The following EPB41L5 variants were observed in gnomAD, a reference collection of about 807,000 sequenced individuals.
EPB41L5 encodes the protein band 4.1-like protein 5.
Under a neutral mutation model 106.6 loss-of-function variants are expected in EPB41L5, and 55 were observed. The ratio of observed to expected loss-of-function variants is 0.52; its 90% CI spans 0.42 to 0.65. EPB41L5 has a LOEUF of 0.65. Ranked by LOEUF, EPB41L5 falls within the 30% of genes least tolerant of loss-of-function variation. EPB41L5 has a pLI of 0.00. For missense variants in EPB41L5, 871 were observed against 882.1 expected (o/e 0.99, Z 0.16); for synonymous variants, 297 against 306.7 (o/e 0.97, Z 0.33).
intron 4 of EPB41L5, 107 bp from the exon 5 acceptor site, chr2:120,073,993 A>G (rs1156410601): frequency 2.6e-6 from 2 of 777,552 alleles, no homozygotes; most frequent in African/African-American, 1.8e-5. Flanking sequence ...TGCCATAAAA[A>G]CCTCATCTTT....
At chr2:120,033,088 A>G (rs1420505937) in intron 2 of EPB41L5, among the ~76,000 whole-genome samples, 2 of 152,230 alleles carry the variant, frequency 1.3e-5, no homozygotes, top group African/African-American at 4.8e-5. Context: ...TAAGGTTGAT[A>G]CTAGCAGGTT....
At chr2:120,096,982 G>A (rs1683798512) in intron 14 of EPB41L5, among the ~76,000 whole-genome samples, 1 of 152,156 alleles carries the variant, frequency 6.6e-6, no homozygotes, top group African/African-American at 2.4e-5. Context: ...TTCAGCAATG[G>A]TACGTAGTTG....
At chr2:120,059,749 CAAAA>C (rs891183180) in intron 3 of EPB41L5, among the ~76,000 whole-genome samples, 3 of 151,544 alleles carry the variant, frequency 2.0e-5, no homozygotes, top group Non-Finnish European at 2.9e-5. Flanking sequence ...CAAAAAAAAA[CAAAA>C]AAAGTCTGCT....
intron 21 of EPB41L5, 103 bp from the exon 22 acceptor site, chr2:120,164,733 A>C: frequency 2.8e-6 from 2 of 713,098 alleles, no homozygotes; most frequent in Non-Finnish European, 4.8e-6. Context: ...GATTAACACT[A>C]ATCAGGCCTG....
intron 18 of EPB41L5, among the ~76,000 whole-genome samples, chr2:120,136,387 A>G (rs1685924482): frequency 6.6e-6 from 1 of 151,614 alleles, no homozygotes; most frequent in African/African-American, 2.4e-5. Context: ...TGAAATGGCA[A>G]TAATAAATCC....
At chr2:120,052,346 G>A (rs1053245558) in intron 3 of EPB41L5, among the ~76,000 whole-genome samples, 2 of 152,132 alleles carry the variant, frequency 1.3e-5, no homozygotes, top group East Asian at 1.9e-4. Context: ...TCTGTGTTTC[G>A]TTCTGTCCTA....
At position 120,168,025 on chromosome 2, in the gene EPB41L5, C is replaced by T; in HGVS notation, c.2135+18C>T. 2 of 1,613,108 alleles carry T rather than the reference C, an allele frequency of 1.2e-6. No individual in the cohort carries two copies. The highest frequency in any genetic ancestry group is 1.7e-6 in the Non-Finnish European group (2 of 1,179,340). ...GTGACCAGGTGAGAAAATTATTTCT[C>T]ATTTGCAGTTCTTAGGCATCTGTTA... On this transcript the variant is annotated intron_variant, in intron 24 of 24. Coordinates refer to ENST00000263713, the MANE Select transcript of EPB41L5 (RefSeq NM_020909.4).
chr2:120,065,317 T>TA (rs1241033355), intron 3 of EPB41L5, among the ~76,000 whole-genome samples: 1 of 151,798 alleles, frequency 6.6e-6, no homozygotes, highest in Non-Finnish European at 1.5e-5. Context: ...AGACCGGTCT[T>TA]ACTATGTTGC....
At chr2:120,081,974 T>G (rs574112231) in intron 10 of EPB41L5, among the ~76,000 whole-genome samples, 1 of 152,362 alleles carries the variant, frequency 6.6e-6, no homozygotes, top group East Asian at 1.9e-4. Flanking sequence ...ACTGAGACTT[T>G]GCTGAAGTTC....
intron 14 of EPB41L5, among the ~76,000 whole-genome samples, chr2:120,095,519 C>T (rs547729376): frequency 1.3e-5 from 2 of 151,336 alleles, no homozygotes; most frequent in African/African-American, 4.8e-5. Context: ...TTTTAGACTA[C>T]ATAATCTCAC....
chr2:120,084,002 G>A lies in EPB41L5; in HGVS notation c.804-3169G>A, dbSNP rs138078585. On this transcript the variant is annotated intron_variant, in intron 10 of 24. Coordinates refer to ENST00000263713, the MANE Select transcript of EPB41L5 (RefSeq NM_020909.4). ...TTTGAGCCTATGTGTGTCTCTGCACGTGAGATGGGTCTCCTGAATACAGCA... is the reference window on the plus strand; with the variant it reads ...TTTGAGCCTATGTGTGTCTCTGCACATGAGATGGGTCTCCTGAATACAGCA... Among the ~76,000 whole-genome samples, 1,388 of 152,138 alleles carry A rather than the reference G, an allele frequency of 9.1e-3. 13 individuals carry two copies. The highest frequency in any genetic ancestry group is 0.029 in the South Asian group (142 of 4,828).
Position 120,013,101 on chromosome 2 carries a change from G to A in EPB41L5, c.-118G>A, listed in dbSNP as rs1677233956. ...GGTCCTCCGGGGATTAGAGCCGGTG[G>A]GCTCGTTGTGGGCGCCATTTCTCGG... On this transcript the variant is annotated 5_prime_UTR_variant, in exon 1 of 25. Coordinates refer to ENST00000263713, the MANE Select transcript of EPB41L5 (RefSeq NM_020909.4). 6.6e-6 allele frequency: 1 copy of A among 152,256 alleles called. No individual in the cohort carries two copies. Among genetic ancestry groups the A allele is most frequent in the Admixed American group, 6.5e-5 (1 of 15,290 alleles). 9.4% of individuals were successfully genotyped at this position (152,256 alleles called of 1,614,324 possible).
intron 19 of EPB41L5, among the ~76,000 whole-genome samples, chr2:120,145,871 G>A (rs1010573924): frequency 3.9e-5 from 6 of 152,016 alleles, no homozygotes; most frequent in Non-Finnish European, 8.8e-5. Context: ...ACTTGAACCT[G>A]GGAGGCAGAG....
At chr2:120,163,853 G>T (rs1238225255) in intron 21 of EPB41L5, among the ~76,000 whole-genome samples, 1 of 151,952 alleles carries the variant, frequency 6.6e-6, no homozygotes, top group Non-Finnish European at 1.5e-5. Context: ...TTGGGAGGCT[G>T]AGGTGGGAGG....
At chr2:120,021,191 T>A (rs1168008834) in intron 2 of EPB41L5, among the ~76,000 whole-genome samples, 1 of 151,772 alleles carries the variant, frequency 6.6e-6, no homozygotes. Flanking sequence ...AATACAAAAA[T>A]TAACCGGGCG....
intron 14 of EPB41L5, among the ~76,000 whole-genome samples, chr2:120,097,981 G>A (rs1415735641): frequency 3.3e-5 from 5 of 152,074 alleles, no homozygotes; most frequent in Admixed American, 3.3e-4. Flanking sequence ...AATAACCAAG[G>A]AACTGTGGAC....
intron 16 of EPB41L5, chr2:120,104,085 C>A: frequency 6.5e-7 from 1 of 1,535,048 alleles, no homozygotes; most frequent in South Asian, 1.2e-5. Context: ...CGACTGCTGT[C>A]AACGTGGTGG....
rs769353839 is a variant in EPB41L5 at position 120,087,247 on chromosome 2, A to T, written c.873+7A>T. 1 of 1,453,592 alleles carries T rather than the reference A, an allele frequency of 6.9e-7. No individual in the cohort carries two copies. The allele number at this position is 1,453,592 out of a possible 1,614,324, so 90.0% of individuals were successfully genotyped here. On this transcript the variant is annotated splice_region_variant and intron_variant, in intron 11 of 24. Coordinates refer to ENST00000263713, the MANE Select transcript of EPB41L5 (RefSeq NM_020909.4). Reference sequence around the variant, plus strand: ...TGTAGAAGATGATGATCAGGTAGGAATAAAATTATATTCTATTACTTGTGT... The same window carrying T: ...TGTAGAAGATGATGATCAGGTAGGATTAAAATTATATTCTATTACTTGTGT...
chr2:120,157,767 T>TC (rs1553515333), intron 20 of EPB41L5, among the ~76,000 whole-genome samples: 1 of 99,804 alleles, frequency 1.0e-5, no homozygotes, highest in Non-Finnish European at 2.0e-5. Context: ...AGACCCTGTC[T>TC]CAAAAAAAAA....
Sources: gnomAD v4.1 joint callset for allele counts (sites outside exome capture counted in the v4.1 genomes callset) on GRCh38, gnomAD v4.1.1 for gene constraint, MANE v1.5 for transcripts, NCBI Gene and HGNC (gene_info 2026-07-23, HGNC 2026-07-21) for gene names.